Variants in OPRM1 observed in about 807,000 individuals in gnomAD.
OPRM1 encodes mu-type opioid receptor.
OPRM1 carries 27 observed loss-of-function variants against 31.8 expected under a neutral mutation model. The observed-to-expected ratio is 0.85, with a 90% CI of 0.63 to 1.17. The LOEUF is 1.17. Among genes scored for constraint, OPRM1 ranks in the 50% most tolerant of loss-of-function variants. The pLI is 0.00. For synonymous variants in OPRM1, 196 were observed against 189.9 expected (o/e 1.03, Z -0.26); for missense variants, 536 against 511.1 (o/e 1.05, Z -0.47).
chr6:154,103,530 G>A (rs1296314045), intron 3 of OPRM1, among the ~76,000 whole-genome samples: 2 of 152,004 alleles, frequency 1.3e-5, no homozygotes, highest in Non-Finnish European at 2.9e-5. Context: ...TATGATCTAG[G>A]TAATAGTACA....
intron 3 of OPRM1, among the ~76,000 whole-genome samples, chr6:154,167,763 C>T (rs1218626804): frequency 1.3e-5 from 2 of 152,162 alleles, no homozygotes; most frequent in Admixed American, 6.5e-5. Context: ...GCTTTAAGAA[C>T]GTCAAGATCA....
intron 3 of OPRM1, chr6:154,107,485 TCA>T (rs769801366): frequency 1.4e-6 from 1 of 718,580 alleles, no homozygotes; most frequent in South Asian, 1.5e-5. Context: ...ACCTGGACTG[TCA>T]CTGTGAAAAT....
chr6:154,099,879 TCATAA>T (rs1039747260), intron 3 of OPRM1, among the ~76,000 whole-genome samples: 3 of 145,580 alleles, frequency 2.1e-5, no homozygotes, highest in Admixed American at 7.0e-5. Flanking sequence ...ATGATATATA[TCATAA>T]CATATTATAT....
At chr6:154,221,232 G>C (rs1778839704) in intron 3 of OPRM1, 1 of 1,581,568 alleles carries the variant, frequency 6.3e-7, no homozygotes, top group African/African-American at 1.3e-5. Context: ...ATTAAGGATG[G>C]GGTTTACCAG....
intron 1 of OPRM1, among the ~76,000 whole-genome samples, chr6:154,054,331 T>G (rs1782788385): frequency 7.3e-6 from 1 of 137,548 alleles, no homozygotes; most frequent in Non-Finnish European, 1.5e-5. Flanking sequence ...ATCGCGCCAC[T>G]GCACTCCAGT....
chr6:154,167,667 A>T lies in OPRM1; in HGVS notation c.1164+76195A>T, dbSNP rs116673486. On this transcript the variant is annotated intron_variant, in intron 3 of 3. Transcript: ENST00000337049. ...GGTCCTTGCTGTCCAGAAGCTTAAA[A>T]TTTGAAATTTTATATCAGAGTGAAT... is the stretch of plus-strand genomic sequence containing the variant. 3.4e-3 allele frequency among the ~76,000 whole-genome samples: 516 copies of T among 152,344 alleles called. 3 individuals are homozygous for T. The highest frequency in any genetic ancestry group is 0.012 in the African/African-American group (492 of 41,574).
At chr6:154,109,788 CTCTCTGTGTGTG>C (rs1298653272) in intron 3 of OPRM1, among the ~76,000 whole-genome samples, 18 of 103,914 alleles carry the variant, frequency 1.7e-4, no homozygotes, top group South Asian at 6.6e-4. Context: ...CTCTCTCTCT[CTCTCTGTGTGTG>C]TGTGTGTGTG....
intron 1 of OPRM1, among the ~76,000 whole-genome samples, chr6:154,032,022 T>G (rs941722742): frequency 3.3e-5 from 5 of 152,186 alleles, no homozygotes; most frequent in African/African-American, 1.2e-4. Context: ...TTCCATTCTT[T>G]TAATCTGTTT....
At chr6:154,041,664 T>C (rs1245747098) in intron 1 of OPRM1, among the ~76,000 whole-genome samples, 1 of 152,072 alleles carries the variant, frequency 6.6e-6, no homozygotes, top group Non-Finnish European at 1.5e-5. Context: ...CAAATCATGA[T>C]TTGAGTTAAT....
downstream of OPRM1, among the ~76,000 whole-genome samples, chr6:154,134,012 G>C (rs114387886): frequency 6.6e-6 from 1 of 152,190 alleles, no homozygotes; most frequent in African/African-American, 2.4e-5. Context: ...TTTAAGTTTG[G>C]CTGAAGACTC....
chr6:154,200,012 G>A (rs1287098072), intron 3 of OPRM1: 3 of 1,613,650 alleles, frequency 1.9e-6, no homozygotes, highest in Non-Finnish European at 2.5e-6. Context: ...ACTCAGGCTG[G>A]GTGAGGATGA....
chr6:154,159,747 T>G, intron 3 of OPRM1: 1 of 1,129,584 alleles, frequency 8.9e-7, no homozygotes, highest in Non-Finnish European at 1.3e-6. Flanking sequence ...AGTTTTCCTT[T>G]TAAGGAAAAA....
intron 1 of OPRM1, among the ~76,000 whole-genome samples, chr6:154,034,000 C>T (rs946986613): frequency 6.6e-6 from 1 of 152,114 alleles, no homozygotes; most frequent in African/African-American, 2.4e-5. Flanking sequence ...GACGTGCACT[C>T]ACAGAAGAAA....
intron 1 of OPRM1, among the ~76,000 whole-genome samples, chr6:154,032,095 C>T (rs187790435): frequency 3.3e-5 from 5 of 152,260 alleles, no homozygotes; most frequent in South Asian, 2.1e-4. Context: ...CACTGTACAA[C>T]TCTGTATGAG....
chr6:154,139,682 A>G (rs1292306610), intron 3 of OPRM1, among the ~76,000 whole-genome samples: 1 of 152,112 alleles, frequency 6.6e-6, no homozygotes, highest in African/African-American at 2.4e-5. Context: ...GGCCTAACAC[A>G]CAGCCATCAG....
chr6:154,194,280 T>G (rs1351744274), intron 3 of OPRM1, among the ~76,000 whole-genome samples: 1 of 152,152 alleles, frequency 6.6e-6, no homozygotes, highest in East Asian at 1.9e-4. Flanking sequence ...ATGCCTGTAA[T>G]CCCAGCTACT....
rs372139782 is a variant in OPRM1, at chr6:154,197,826, G to GGT, written c.1165-48854_1165-48853dup. 6.2e-4 allele frequency among the ~76,000 whole-genome samples: 94 copies of GGT among 152,026 alleles called. No homozygotes were observed. The South Asian group carries it at 9.1e-3, about 15-fold the overall frequency. ...TTTTGAAGCTATGCTCATCCTGGGG[G>GGT]GTGTGTGTGTGTGTTTGAAATTTTT... On this transcript the variant is annotated intron_variant, in intron 3 of 3. Transcript: ENST00000337049.
At chr6:154,110,712 C>A (rs1796246251) in intron 3 of OPRM1, among the ~76,000 whole-genome samples, 1 of 151,964 alleles carries the variant, frequency 6.6e-6, no homozygotes, top group Admixed American at 6.6e-5. Flanking sequence ...CATGGTGAAA[C>A]CCCATCTCTA....
chr6:154,040,177 C>T (rs575145704), intron 1 of OPRM1, among the ~76,000 whole-genome samples: 1 of 152,180 alleles, frequency 6.6e-6, no homozygotes, highest in East Asian at 1.9e-4. Flanking sequence ...CAGAGTCCTA[C>T]ACTCAGTCCC....
Sources: allele counts gnomAD v4.1 joint callset (sites outside exome capture counted in the v4.1 genomes callset), GRCh38; gene constraint gnomAD v4.1.1; transcripts MANE v1.5; gene names NCBI Gene and HGNC (gene_info 2026-07-23, HGNC 2026-07-21).